FZD3: variants seen among roughly 807,000 people sequenced by gnomAD.
The protein encoded by FZD3 is frizzled class receptor 3, also known as frizzled-3.
A neutral mutation model predicts 60.7 loss-of-function variants in FZD3; 30 were observed. The ratio of observed to expected loss-of-function variants is 0.49; its 90% CI spans 0.37 to 0.67. The LOEUF is 0.67. FZD3 is among the 30% of genes least tolerant of loss of function. FZD3 has a pLI of 0.00. For missense variants in FZD3, 605 were observed against 838.7 expected (o/e 0.72, Z 3.44); for synonymous variants, 246 against 275.2 (o/e 0.89, Z 1.05).
At chr8:28,558,707 C>T (rs962271518) in intron 7 of FZD3, among the ~76,000 whole-genome samples, 113 of 152,234 alleles carry the variant, frequency 7.4e-4, no homozygotes, top group African/African-American at 2.1e-3. Context: ...GCTGGGACTG[C>T]GGGCATGAGC....
At position 28,568,635 on chromosome 8, in the gene FZD3, A is replaced by G. The variant is rs1585200361; in HGVS notation, c.*5624A>G. The stretch of plus-strand genomic sequence containing the variant: ...AAGATTTAATATATAAAGATTTAAT[A>G]TGAGTTAAACATGTTTCTTATTCTG... On this transcript the variant is annotated 3_prime_UTR_variant, in exon 8 of 8. Transcript: ENST00000240093. 1 of 152,168 alleles carries G rather than the reference A, an allele frequency of 6.6e-6. No homozygotes were observed. Among genetic ancestry groups the G allele is most frequent in the Non-Finnish European group, 1.5e-5 (1 of 67,992 alleles). The allele number at this position is 152,168 out of a possible 1,614,324, so 9.4% of individuals were successfully genotyped here. A position where few individuals can be genotyped will look rare whatever the true frequency, so the allele number is the denominator to read the frequency against.
At chr8:28,515,531 C>T (rs1199656893) in intron 3 of FZD3, among the ~76,000 whole-genome samples, 1 of 152,212 alleles carries the variant, frequency 6.6e-6, no homozygotes, top group African/African-American at 2.4e-5. Context: ...TGTCCGCATG[C>T]GCAGTAGCCT....
intron 3 of FZD3, among the ~76,000 whole-genome samples, chr8:28,506,891 G>C (rs987475663): frequency 5.3e-5 from 8 of 152,170 alleles, no homozygotes; most frequent in Admixed American, 3.3e-4. Flanking sequence ...TATACAAATA[G>C]AATAATATAA....
chr8:28,520,612 A>G lies in FZD3; in HGVS notation c.190-26A>G, dbSNP rs746729039. ...TAACTTGTATACAGCTCTTTAACTAATTATTCAATTTTAACTTTTCCCTAG... is the reference window on the plus strand; with the variant it reads ...TAACTTGTATACAGCTCTTTAACTAGTTATTCAATTTTAACTTTTCCCTAG... On this transcript the variant is annotated intron_variant, in intron 3 of 7. Coordinates refer to ENST00000240093, the MANE Select transcript of FZD3 (RefSeq NM_017412.4). 4.3e-6 allele frequency: 6 copies of G among 1,387,532 alleles called. No homozygotes were observed. The East Asian group carries it at 1.4e-4, about 33-fold the overall frequency. The allele number at this position is 1,387,532 out of a possible 1,614,324, so 86.0% of individuals were successfully genotyped here. A position where few individuals can be genotyped will look rare whatever the true frequency, so the allele number is the denominator to read the frequency against.
intron 5 of FZD3, among the ~76,000 whole-genome samples, chr8:28,545,568 A>G (rs1805275307): frequency 1.3e-5 from 2 of 152,216 alleles, no homozygotes; most frequent in Admixed American, 6.5e-5. Context: ...ATTTGAGTGA[A>G]GAAGCCATCC....
rs1410452843 is a variant in FZD3 at position 28,565,126 on chromosome 8, A to G, written c.*2115A>G. The G allele has an allele frequency of 1.3e-5, 2 of 152,212 alleles. No individual in the cohort carries two copies. The highest frequency in any genetic ancestry group is 2.9e-5 in the Non-Finnish European group (2 of 68,026). The allele number at this position is 152,212 out of a possible 1,614,324, so 9.4% of individuals were successfully genotyped here. Reference sequence around the variant, plus strand: ...AATATTCTCATCAGGCAGCAAAGTCAGTTTTCTGATAGTAATAATTTGTCT... The same window carrying G: ...AATATTCTCATCAGGCAGCAAAGTCGGTTTTCTGATAGTAATAATTTGTCT... On this transcript the variant is annotated 3_prime_UTR_variant, in exon 8 of 8. Transcript: ENST00000240093.
chr8:28,511,677 G>A (rs986406928), intron 3 of FZD3, among the ~76,000 whole-genome samples: 1 of 152,096 alleles, frequency 6.6e-6, no homozygotes, highest in Non-Finnish European at 1.5e-5. Flanking sequence ...TTCAAGGCGT[G>A]GTGTGGATGT....
chr8:28,528,217 A>G (rs1366161050), intron 5 of FZD3, 53 bp downstream of exon 5: 7 of 1,351,692 alleles, frequency 5.2e-6, no homozygotes, highest in South Asian at 1.4e-5. Context: ...AAACAAAAGC[A>G]TATTACTATA....
chr8:28,510,155 A>T (rs759169352), intron 3 of FZD3, among the ~76,000 whole-genome samples: 2 of 151,922 alleles, frequency 1.3e-5, no homozygotes, highest in Non-Finnish European at 2.9e-5. Flanking sequence ...AGCTGTCTTC[A>T]GGAGTATGAT....
At chr8:28,517,466 A>G (rs1325989772) in intron 3 of FZD3, among the ~76,000 whole-genome samples, 1 of 152,184 alleles carries the variant, frequency 6.6e-6, no homozygotes, top group African/African-American at 2.4e-5. Context: ...GTAAGTGGTT[A>G]TCTTTAATCA....
intron 3 of FZD3, among the ~76,000 whole-genome samples, chr8:28,513,905 G>T (rs1187936902): frequency 6.6e-6 from 1 of 152,158 alleles, no homozygotes; most frequent in Non-Finnish European, 1.5e-5. Context: ...CTAAGCTTGG[G>T]CTGTTGCTAT....
intron 5 of FZD3, among the ~76,000 whole-genome samples, chr8:28,531,052 CTG>C (rs1158586813): frequency 2.0e-5 from 3 of 152,116 alleles, no homozygotes; most frequent in South Asian, 2.1e-4. Flanking sequence ...GCATATGTAT[CTG>C]TATCTGTTTG....
At chr8:28,494,816 A>G (rs2130241783) in intron 1 of FZD3, among the ~76,000 whole-genome samples, 1 of 151,982 alleles carries the variant, frequency 6.6e-6, no homozygotes, top group South Asian at 2.1e-4. Flanking sequence ...CGTAGGCGGA[A>G]GACAATGCTC....
Position 28,564,780 on chromosome 8 carries a change from G to A in FZD3, c.*1769G>A, listed in dbSNP as rs1805677388. On this transcript the variant is annotated 3_prime_UTR_variant, in exon 8 of 8. Transcript: ENST00000240093. ...TTATTCTAGACTCTGAAGAGGCCTG[G>A]CTCTGCCTTATGCTATTATAGTTTA... is the stretch of plus-strand genomic sequence containing the variant. 1 of 152,138 alleles carries A rather than the reference G, an allele frequency of 6.6e-6. No individual in the cohort carries two copies. 9.4% of individuals were successfully genotyped at this position (152,138 alleles called of 1,614,324 possible).
intron 3 of FZD3, among the ~76,000 whole-genome samples, chr8:28,512,701 A>G (rs1473733486): frequency 6.6e-6 from 1 of 152,154 alleles, no homozygotes; most frequent in East Asian, 1.9e-4. Flanking sequence ...AATATAGGGA[A>G]GAACTTGGTA....
rs1271875544 is a variant in FZD3, at chr8:28,572,993, C to CA, written c.*9983dup. 6.6e-6 allele frequency: 1 copy of CA among 151,980 alleles called. No homozygotes were observed. Among genetic ancestry groups the CA allele is most frequent in the African/African-American group, 2.4e-5 (1 of 41,384 alleles). The allele number at this position is 151,980 out of a possible 1,614,324, so 9.4% of individuals were successfully genotyped here. On this transcript the variant is annotated 3_prime_UTR_variant, in exon 8 of 8. Transcript: ENST00000240093. ...CAACAAAAGCTAATCTAGTACACCC[C>CA]ATAGAGGTACTCCAGGTGTCTTGGT...
intron 5 of FZD3, among the ~76,000 whole-genome samples, chr8:28,546,588 G>A (rs1254332407): frequency 1.3e-5 from 2 of 152,128 alleles, no homozygotes; most frequent in African/African-American, 2.4e-5. Flanking sequence ...CAGTGAGGGT[G>A]TTTCCCAATG....
chr8:28,527,543 A>G lies in FZD3; in HGVS notation c.783A>G (p.Arg261=), dbSNP rs113011994. ...IFFIGFLLED[R]VACNASIPAQ... ...TCATTGGATTTTTGCTTGAAGATCG[A>G]GTAGCCTGCAATGCATCCATCCCTG... is the stretch of plus-strand genomic sequence containing the variant. Residue 261 remains arginine, a synonymous_variant, in exon 5 of 8, where the codon CGA becomes CGG. Transcript: ENST00000240093. The surrounding 1 kb of genome is among the most constrained non-coding windows in gnomAD (Gnocchi z 5.0). 6.2e-5 allele frequency: 100 copies of G among 1,614,122 alleles called. 1 individual carries two copies. The African/African-American group carries it at 1.0e-3, about 17-fold the overall frequency.
intron 5 of FZD3, among the ~76,000 whole-genome samples, chr8:28,547,180 A>G (rs760949975): frequency 3.3e-5 from 5 of 151,914 alleles, no homozygotes; most frequent in Admixed American, 6.6e-5. Context: ...CTCTTTTTTT[A>G]CTCACTTGGT....
Sources: gnomAD v4.1 joint callset for allele counts (sites outside exome capture counted in the v4.1 genomes callset) on GRCh38, gnomAD v4.1.1 for gene constraint, Gnocchi (gnomAD v3.1) non-coding constraint, MANE v1.5 for transcripts, NCBI Gene and HGNC (gene_info 2026-07-23, HGNC 2026-07-21) for gene names.